The following LRRFIP2 variants were observed in gnomAD, a reference collection of about 807,000 sequenced individuals.
LRRFIP2 encodes leucine-rich repeat flightless-interacting protein 2.
LRRFIP2 carries 109 observed loss-of-function variants against 125.9 expected under a neutral mutation model. The ratio of observed to expected loss-of-function variants is 0.87; its 90% CI spans 0.74 to 1.01. The LOEUF (loss-of-function observed/expected upper bound fraction) is 1.01. Ranked by LOEUF, LRRFIP2 falls within the 50% of genes least tolerant of loss-of-function variation. The pLI is 0.00. For synonymous variants in LRRFIP2, 291 were observed against 293.1 expected, an observed-to-expected ratio of 0.99 and a Z score of 0.07; for missense variants, 850 against 862.3, an observed-to-expected ratio of 0.99 and a Z score of 0.18.
intron 19 of LRRFIP2, 63 bp from the exon 20 acceptor site, chr3:37,075,179 C>G: frequency 9.1e-7 from 1 of 1,093,000 alleles, no homozygotes. Flanking sequence ...TGAACATACA[C>G]AATACAACAC....
intron 2 of LRRFIP2, among the ~76,000 whole-genome samples, chr3:37,142,654 A>G (rs1200730501): frequency 6.6e-6 from 1 of 152,210 alleles, no homozygotes; most frequent in East Asian, 1.9e-4. Flanking sequence ...TTCACAGAGG[A>G]TAAGGGCATT....
chr3:37,137,696 G>A (rs1345387945), intron 2 of LRRFIP2, among the ~76,000 whole-genome samples: 1 of 152,112 alleles, frequency 6.6e-6, no homozygotes, highest in South Asian at 2.1e-4. Context: ...ACCAGCCAAT[G>A]AGAATGACTC....
At chr3:37,172,659 C>T (rs1361794726) in intron 1 of LRRFIP2, 1 of 152,192 alleles carries the variant, frequency 6.6e-6, no homozygotes, top group Non-Finnish European at 1.5e-5. Context: ...CTTTTATCTA[C>T]TGCTCTCCCT....
At chr3:37,153,323 C>T (rs1361055275) in intron 1 of LRRFIP2, among the ~76,000 whole-genome samples, 1 of 151,924 alleles carries the variant, frequency 6.6e-6, no homozygotes, top group Non-Finnish European at 1.5e-5. Flanking sequence ...CCTGGGAGGT[C>T]AACGCTGCAG....
intron 1 of LRRFIP2, among the ~76,000 whole-genome samples, chr3:37,167,484 T>A (rs2096523464): frequency 6.7e-6 from 1 of 148,606 alleles, no homozygotes; most frequent in Non-Finnish European, 1.5e-5. Flanking sequence ...CGAAACCCCG[T>A]CTCTACTGAA....
intron 6 of LRRFIP2, among the ~76,000 whole-genome samples, chr3:37,118,491 T>C (rs1389197767): frequency 1.3e-5 from 2 of 152,212 alleles, no homozygotes; most frequent in African/African-American, 4.8e-5. Flanking sequence ...ACAAAACTAA[T>C]AGACACAGAT....
intron 23 of LRRFIP2, 33 bp from the exon 24 acceptor site, chr3:37,063,824 ATG>A: frequency 6.7e-7 from 1 of 1,502,236 alleles, no homozygotes; most frequent in Non-Finnish European, 9.3e-7. Context: ...TAAACTAAAT[ATG>A]TGATGATATA....
intron 15 of LRRFIP2, among the ~76,000 whole-genome samples, chr3:37,101,356 C>CAAA (rs11359628): frequency 1.5e-5 from 2 of 132,372 alleles, no homozygotes; most frequent in Non-Finnish European, 1.6e-5. Flanking sequence ...GACTCCGTCT[C>CAAA]AAAAAAAAAA....
intron 6 of LRRFIP2, among the ~76,000 whole-genome samples, chr3:37,116,527 G>A (rs2094796062): frequency 6.6e-6 from 1 of 152,060 alleles, no homozygotes; most frequent in African/African-American, 2.4e-5. Flanking sequence ...TGAAACTTTT[G>A]TTTCAATAAT....
At chr3:37,098,294 A>G (rs1576517938) in intron 15 of LRRFIP2, among the ~76,000 whole-genome samples, 2 of 151,646 alleles carry the variant, frequency 1.3e-5, no homozygotes, top group East Asian at 3.9e-4. Context: ...TTTTTTTACT[A>G]TACTTTAAGT....
intron 18 of LRRFIP2, among the ~76,000 whole-genome samples, chr3:37,087,012 C>T (rs2093098985): frequency 6.6e-6 from 1 of 152,104 alleles, no homozygotes; most frequent in East Asian, 1.9e-4. Flanking sequence ...CAGGCACGTA[C>T]TACCACACCT....
At chr3:37,102,649 C>T (rs955215472) in intron 15 of LRRFIP2, among the ~76,000 whole-genome samples, 28 of 151,584 alleles carry the variant, frequency 1.8e-4, no homozygotes, top group Admixed American at 3.3e-4. Context: ...CAGGTGTGCG[C>T]CCCCACACCC....
At chr3:37,104,418 C>G (rs536708136) in intron 14 of LRRFIP2, among the ~76,000 whole-genome samples, 4 of 152,232 alleles carry the variant, frequency 2.6e-5, no homozygotes, top group African/African-American at 7.2e-5. Context: ...CAGTTGTGAG[C>G]GTGAGCATTA....
intron 2 of LRRFIP2, among the ~76,000 whole-genome samples, chr3:37,142,449 C>G (rs2095735690): frequency 1.3e-5 from 2 of 152,036 alleles, no homozygotes; most frequent in African/African-American, 4.8e-5. Context: ...GCTCGGCCAA[C>G]CCAACGTCTT....
chr3:37,154,091 T>C (rs2096112198), intron 1 of LRRFIP2, among the ~76,000 whole-genome samples: 2 of 151,720 alleles, frequency 1.3e-5, no homozygotes, highest in Non-Finnish European at 1.5e-5. Flanking sequence ...GGGAGGACTA[T>C]GTGAGCCAAG....
chr3:37,147,653 C>G (rs1467557577), intron 2 of LRRFIP2, among the ~76,000 whole-genome samples: 1 of 152,296 alleles, frequency 6.6e-6, no homozygotes, highest in East Asian at 1.9e-4. Flanking sequence ...AGGAAATACA[C>G]TATTCCTAAA....
chr3:37,073,584 A>G (rs749621981), intron 20 of LRRFIP2, among the ~76,000 whole-genome samples: 9 of 152,144 alleles, frequency 5.9e-5, no homozygotes, highest in Non-Finnish European at 1.2e-4. Flanking sequence ...ATTATTTGTA[A>G]TATTTAAAGT....
intron 6 of LRRFIP2, among the ~76,000 whole-genome samples, chr3:37,118,560 C>G (rs1432648972): frequency 3.3e-5 from 5 of 152,224 alleles, no homozygotes. Flanking sequence ...TCCTACCATT[C>G]ACAGTCTTGA....
At chr3:37,059,795 A>AT (rs1484141293) in intron 24 of LRRFIP2, among the ~76,000 whole-genome samples, 4,946 of 78,420 alleles carry the variant, frequency 0.063, 168 homozygotes, top group African/African-American at 0.11. Context: ...CAAAAAAAAA[A>AT]AAAATAATAA....
Sources: allele counts gnomAD v4.1 joint callset (sites outside exome capture counted in the v4.1 genomes callset), GRCh38; gene constraint gnomAD v4.1.1; transcripts MANE v1.5; gene names NCBI Gene and HGNC (gene_info 2026-07-23, HGNC 2026-07-21).